Variants in SMYD3 observed in about 807,000 individuals in gnomAD.
The protein encoded by SMYD3 is SET and MYND domain containing 3.
Under a neutral mutation model 57.7 loss-of-function variants are expected in SMYD3, and 36 were observed. That is an observed-to-expected ratio of 0.62 (90% CI 0.48 to 0.82). The LOEUF is 0.82. Among genes scored for constraint, SMYD3 ranks in the 40% least tolerant of loss-of-function variants. The pLI is 0.00. For missense variants in SMYD3, 515 were observed against 538.8 expected (o/e 0.96, Z 0.44); for synonymous variants, 211 against 195.0 (o/e 1.08, Z -0.68).
At chr1:246,310,794 C>T (rs1057475189) in intron 5 of SMYD3, among the ~76,000 whole-genome samples, 2 of 151,550 alleles carry the variant, frequency 1.3e-5, no homozygotes, top group African/African-American at 4.9e-5. Flanking sequence ...CTCAGTCTCC[C>T]GAGTAGCTGG....
At chr1:246,234,621 G>GAGGAGAAGCC (rs1553316511) in intron 5 of SMYD3, among the ~76,000 whole-genome samples, 4 of 84,356 alleles carry the variant, frequency 4.7e-5, no homozygotes, top group Admixed American at 1.3e-4. Flanking sequence ...CACTGTGATG[G>GAGGAGAAGCC]CTATTGGCCT....
intron 7 of SMYD3, among the ~76,000 whole-genome samples, chr1:245,920,918 A>C (rs1042302164): frequency 3.9e-5 from 6 of 152,238 alleles, no homozygotes; most frequent in Non-Finnish European, 8.8e-5. Flanking sequence ...CAGCAATTGC[A>C]ACAAAAACAA....
chr1:246,476,482 C>A (rs1026480399), intron 1 of SMYD3, among the ~76,000 whole-genome samples: 2 of 152,206 alleles, frequency 1.3e-5, no homozygotes, highest in African/African-American at 4.8e-5. Context: ...TTTAGTTACA[C>A]TGATGCTGCT....
intron 5 of SMYD3, among the ~76,000 whole-genome samples, chr1:246,142,825 C>T (rs2061779391): frequency 6.6e-6 from 1 of 152,144 alleles, no homozygotes; most frequent in African/African-American, 2.4e-5. Flanking sequence ...TGGACACCTA[C>T]AAACACAAAT....
intron 8 of SMYD3, among the ~76,000 whole-genome samples, chr1:245,883,182 C>T (rs1347039623): frequency 2.6e-5 from 4 of 152,170 alleles, no homozygotes; most frequent in Admixed American, 6.5e-5. Context: ...GTGCTCTTCA[C>T]TGAGTGTACC....
intron 3 of SMYD3, among the ~76,000 whole-genome samples, chr1:246,331,056 G>C (rs2065452120): frequency 6.6e-6 from 1 of 152,132 alleles, no homozygotes. Flanking sequence ...AATCACTTGA[G>C]CCCAGCAGTT....
At chr1:246,457,121 A>G (rs539657512) in intron 1 of SMYD3, among the ~76,000 whole-genome samples, 12 of 152,288 alleles carry the variant, frequency 7.9e-5, no homozygotes, top group African/African-American at 2.9e-4. Context: ...ATTCATGTCC[A>G]TACTGATCAT....
At chr1:246,499,724 G>T (rs2068427942) in intron 1 of SMYD3, among the ~76,000 whole-genome samples, 1 of 152,098 alleles carries the variant, frequency 6.6e-6, no homozygotes, top group Non-Finnish European at 1.5e-5. Flanking sequence ...CCAAAGTGCT[G>T]GAATTACAGG....
chr1:246,429,831 GAT>G (rs2067273671), intron 1 of SMYD3, among the ~76,000 whole-genome samples: 1 of 133,172 alleles, frequency 7.5e-6, no homozygotes, highest in Admixed American at 7.8e-5. Context: ...CTGCCTCAAG[GAT>G]ATGACTGGCA....
At chr1:245,977,233 A>C (rs1241777630) in intron 5 of SMYD3, among the ~76,000 whole-genome samples, 1 of 152,250 alleles carries the variant, frequency 6.6e-6, no homozygotes, top group Non-Finnish European at 1.5e-5. Context: ...CTGCTACTTC[A>C]GAAGAAAATT....
chr1:246,052,088 C>T (rs890497840), intron 5 of SMYD3, among the ~76,000 whole-genome samples: 4 of 152,284 alleles, frequency 2.6e-5, no homozygotes, highest in Non-Finnish European at 4.4e-5. Flanking sequence ...CAACATAAAA[C>T]GGCTGCATCA....
At chr1:246,098,578 T>C (rs61486461) in intron 5 of SMYD3, among the ~76,000 whole-genome samples, 4,943 of 152,302 alleles carry the variant, frequency 0.032, 283 homozygotes, top group African/African-American at 0.11. Context: ...AAAATAAATG[T>C]ATGAAGATGA....
intron 10 of SMYD3, among the ~76,000 whole-genome samples, chr1:245,821,346 T>C (rs1270907988): frequency 4.7e-5 from 7 of 147,950 alleles, no homozygotes; most frequent in African/African-American, 1.7e-4. Context: ...TAGCCATATG[T>C]AGAAAGCTGA....
In SMYD3 at chr1:245,791,485, G is replaced by A. The variant is rs116830202; in HGVS notation, c.1077-27336C>T. On this transcript the variant is annotated intron_variant, in intron 10 of 11. Transcript: ENST00000490107. The stretch of plus-strand genomic sequence containing the variant: ...GTCTCTGCTAGTAATCAAGGTTTAC[G>A]TGCTCACTGTCTGTGTTTTTCTTGA... Among the ~76,000 whole-genome samples, 853 of 152,154 alleles carry A rather than the reference G, an allele frequency of 5.6e-3. 6 individuals carry two copies. Among genetic ancestry groups the A allele is most frequent in the African/African-American group, 0.019 (775 of 41,504 alleles).
chr1:245,980,075 G>A (rs1347200540), intron 5 of SMYD3, among the ~76,000 whole-genome samples: 1 of 152,206 alleles, frequency 6.6e-6, no homozygotes, highest in Non-Finnish European at 1.5e-5. Context: ...GAATGATAGT[G>A]AAGTCGGCCT....
At chr1:246,048,591 G>C (rs2060010025) in intron 5 of SMYD3, among the ~76,000 whole-genome samples, 1 of 152,120 alleles carries the variant, frequency 6.6e-6, no homozygotes, top group African/African-American at 2.4e-5. Context: ...ATAGTATACA[G>C]TAGTAAGGGC....
intron 5 of SMYD3, among the ~76,000 whole-genome samples, chr1:246,309,822 T>G (rs1335044871): frequency 1.3e-5 from 2 of 152,164 alleles, no homozygotes; most frequent in Non-Finnish European, 2.9e-5. Context: ...AAATAGGCCC[T>G]AAGAATCTGG....
chr1:246,321,345 C>T lies in SMYD3; in HGVS notation c.531+5856G>A, dbSNP rs1368113387. On this transcript the variant is annotated intron_variant, in intron 5 of 11. Transcript: ENST00000490107. ...AATTAATAATATGTGTCAGACACTA[C>T]TAAGTACGTTATAGTTGATCCTCCT... 2.6e-5 allele frequency among the ~76,000 whole-genome samples: 4 copies of T among 152,292 alleles called. No individual in the cohort carries two copies. In the East Asian group the frequency reaches 7.7e-4, roughly 29 times the overall value.
chr1:246,307,728 G>A (rs1367095603), intron 5 of SMYD3, among the ~76,000 whole-genome samples: 2 of 147,522 alleles, frequency 1.4e-5, no homozygotes, highest in Admixed American at 1.4e-4. Context: ...CAAATTAGGG[G>A]ATTCTTATCA....
Sources: gnomAD v4.1 joint callset for allele counts (sites outside exome capture counted in the v4.1 genomes callset) on GRCh38, gnomAD v4.1.1 for gene constraint, MANE v1.5 for transcripts, NCBI Gene and HGNC (gene_info 2026-07-23, HGNC 2026-07-21) for gene names.